ZNF385D: variants seen among roughly 807,000 people sequenced by gnomAD.
ZNF385D encodes the protein zinc finger protein 385D.
A neutral mutation model predicts 35.8 loss-of-function variants in ZNF385D; 15 were observed. The ratio of observed to expected loss-of-function variants is 0.42; its 90% CI spans 0.28 to 0.64. ZNF385D has a LOEUF of 0.64. Ranked by LOEUF, ZNF385D falls within the 30% of genes least tolerant of loss-of-function variation. The probability of loss-of-function intolerance (pLI) is 0.23; values close to 1 mark genes in which losing one functional copy is unlikely to be tolerated. For missense variants in ZNF385D, 474 were observed against 494.6 expected, an observed-to-expected ratio of 0.96 and a Z score of 0.39; for synonymous variants, 212 against 186.8, an observed-to-expected ratio of 1.13 and a Z score of -1.10.
intron 2 of ZNF385D, among the ~76,000 whole-genome samples, chr3:22,331,301 T>A (rs1335620209): frequency 6.6e-6 from 1 of 152,208 alleles, no homozygotes; most frequent in Non-Finnish European, 1.5e-5. Flanking sequence ...CATGAAAATT[T>A]AGAATACAAG....
chr3:21,761,403 A>G (rs2125586161), intron 3 of ZNF385D, among the ~76,000 whole-genome samples: 1 of 152,322 alleles, frequency 6.6e-6, no homozygotes, highest in South Asian at 2.1e-4. Context: ...TATAGTCTAG[A>G]TTTAACAATG....
intron 2 of ZNF385D, chr3:21,579,962 A>C (rs2063605888): frequency 6.6e-6 from 1 of 152,140 alleles, no homozygotes; most frequent in Admixed American, 6.5e-5. Context: ...GTTACCAACA[A>C]GGTCATATTC....
chr3:22,047,746 T>A (rs1273299382), intron 3 of ZNF385D, among the ~76,000 whole-genome samples: 1 of 152,128 alleles, frequency 6.6e-6, no homozygotes, highest in Admixed American at 6.6e-5. Context: ...GATTTTATAC[T>A]CTTTAGATGT....
At chr3:22,206,572 A>C (rs1697169956) in intron 2 of ZNF385D, among the ~76,000 whole-genome samples, 1 of 152,030 alleles carries the variant, frequency 6.6e-6, no homozygotes, top group Admixed American at 6.6e-5. Context: ...AAAGAATTTC[A>C]AGTATCTTCT....
intron 3 of ZNF385D, among the ~76,000 whole-genome samples, chr3:21,862,944 C>T (rs574696988): frequency 6.6e-6 from 1 of 152,276 alleles, no homozygotes; most frequent in African/African-American, 2.4e-5. Flanking sequence ...TCCCACTCCA[C>T]TTGATTTAGT....
At chr3:21,884,069 T>C (rs1235405828) in intron 3 of ZNF385D, among the ~76,000 whole-genome samples, 1 of 151,982 alleles carries the variant, frequency 6.6e-6, no homozygotes, top group Non-Finnish European at 1.5e-5. Context: ...ATGCGGATGG[T>C]TTGCAAAGAA....
chr3:22,037,770 T>A (rs886743740), intron 3 of ZNF385D, among the ~76,000 whole-genome samples: 19 of 152,172 alleles, frequency 1.2e-4, no homozygotes, highest in Non-Finnish European at 2.1e-4. Context: ...GTTTTAGACA[T>A]GAAGTCCTTG....
intron 3 of ZNF385D, among the ~76,000 whole-genome samples, chr3:21,871,000 C>G (rs9835629): frequency 0.021 from 3,213 of 152,222 alleles, 122 homozygotes; most frequent in African/African-American, 0.072. Flanking sequence ...TGCCACTTAT[C>G]TGCTAAAAAC....
chr3:21,502,669 A>G (rs1413667530), intron 4 of ZNF385D, among the ~76,000 whole-genome samples: 2 of 152,172 alleles, frequency 1.3e-5, no homozygotes, highest in African/African-American at 2.4e-5. Context: ...TAGAACCACA[A>G]TATTCAAATA....
At chr3:21,829,927 C>A (rs1033317199) in intron 3 of ZNF385D, among the ~76,000 whole-genome samples, 1 of 151,948 alleles carries the variant, frequency 6.6e-6, no homozygotes, top group African/African-American at 2.4e-5. Context: ...AGTTCAAGAG[C>A]GGCCTGGCCA....
intron 3 of ZNF385D, among the ~76,000 whole-genome samples, chr3:21,762,907 C>T (rs1275120937): frequency 2.0e-5 from 3 of 152,168 alleles, no homozygotes; most frequent in Non-Finnish European, 4.4e-5. Context: ...GGTTCTACGT[C>T]ACAGCTCAAC....
rs563657193 is a variant in ZNF385D, at chr3:21,914,308, T to C, written c.326-249280A>G. On this transcript the variant is annotated intron_variant, in intron 3 of 5. Transcript: ENST00000494108. ...AAATCACATTGACTTCAAGTGTTAG[T>C]AAGTAAATTATCTTCAAATGTACTT... is the stretch of plus-strand genomic sequence containing the variant. 5.3e-5 allele frequency among the ~76,000 whole-genome samples: 8 copies of C among 152,140 alleles called. No individual in the cohort carries two copies. In the South Asian group the frequency reaches 8.3e-4, roughly 16 times the overall value.
rs371454682 is a variant in ZNF385D, at chr3:22,322,570, C to T, written c.106+49880G>A. The stretch of plus-strand genomic sequence containing the variant: ...TTTCTCACCGACCCAGCCCTTTTAA[C>T]CTGCCCAATCAGTGATATTTTCAGT... On this transcript the variant is annotated intron_variant, in intron 2 of 5. Coordinates refer to the ZNF385D transcript ENST00000494108. Among the ~76,000 whole-genome samples, 194 of 152,280 alleles carry T rather than the reference C, an allele frequency of 1.3e-3. 9 individuals are homozygous for T. The South Asian group carries it at 0.039, about 31-fold the overall frequency.
At chr3:21,709,466 T>C (rs2125408411) in intron 1 of ZNF385D, among the ~76,000 whole-genome samples, 1 of 150,930 alleles carries the variant, frequency 6.6e-6, no homozygotes, top group Non-Finnish European at 1.5e-5. Context: ...GGCAACTTCA[T>C]ACCTCCTGAG....
At chr3:21,477,831 A>C (rs1704350145) in intron 4 of ZNF385D, among the ~76,000 whole-genome samples, 1 of 152,310 alleles carries the variant, frequency 6.6e-6, no homozygotes, top group Non-Finnish European at 1.5e-5. Context: ...TCACTCCTAG[A>C]AACTAAAACC....
chr3:21,790,493 T>C (rs2071882599), intron 3 of ZNF385D, among the ~76,000 whole-genome samples: 2 of 152,174 alleles, frequency 1.3e-5, no homozygotes, highest in Non-Finnish European at 2.9e-5. Flanking sequence ...TAGTTATACT[T>C]GTATTTCTTT....
At chr3:21,902,780 T>C (rs956460230) in intron 3 of ZNF385D, among the ~76,000 whole-genome samples, 2 of 152,202 alleles carry the variant, frequency 1.3e-5, no homozygotes, top group Admixed American at 1.3e-4. Flanking sequence ...GCATGTCACA[T>C]GTATACATAT....
intron 2 of ZNF385D, among the ~76,000 whole-genome samples, chr3:22,310,431 G>T (rs751370691): frequency 1.7e-4 from 26 of 151,820 alleles, no homozygotes; most frequent in Admixed American, 9.2e-4. Flanking sequence ...CTTATTTATA[G>T]ATCTACTATA....
At chr3:22,168,464 G>A (rs1047219338) in intron 3 of ZNF385D, 1 of 151,994 alleles carries the variant, frequency 6.6e-6, no homozygotes, top group African/African-American at 2.4e-5. Flanking sequence ...CTGAATATCT[G>A]CAGGAATAAA....
Sources: gnomAD v4.1 joint callset for allele counts (sites outside exome capture counted in the v4.1 genomes callset) on GRCh38, gnomAD v4.1.1 for gene constraint, MANE v1.5 for transcripts, NCBI Gene and HGNC (gene_info 2026-07-23, HGNC 2026-07-21) for gene names.